Variants in SLC24A2 observed in about 807,000 individuals in gnomAD.
SLC24A2 encodes the protein solute carrier family 24 member 2.
Under a neutral mutation model 62.0 loss-of-function variants are expected in SLC24A2, and 36 were observed. That is an observed-to-expected ratio of 0.58 (90% CI 0.44 to 0.77). The LOEUF (loss-of-function observed/expected upper bound fraction) is 0.77. Ranked by LOEUF, SLC24A2 falls within the 30% of genes least tolerant of loss-of-function variation. SLC24A2 has a pLI of 0.00. For missense variants in SLC24A2, 846 were observed against 817.9 expected, an observed-to-expected ratio of 1.03 and a Z score of -0.42; for synonymous variants, 358 against 294.0, an observed-to-expected ratio of 1.22 and a Z score of -2.23.
chr9:20,300,919 G>T, the SLC24A2 span, among the ~76,000 whole-genome samples: 1 of 152,104 alleles, frequency 6.6e-6, no homozygotes, highest in Non-Finnish European at 1.5e-5. Context: ...AAACCCTTTT[G>T]TCATCATCGT....
intron 3 of SLC24A2, 25 bp downstream of exon 3, chr9:19,622,236 T>C: frequency 6.2e-7 from 1 of 1,610,248 alleles, no homozygotes; most frequent in Non-Finnish European, 8.5e-7. Flanking sequence ...CACAAACAGG[T>C]ACAGACAAAG....
the SLC24A2 span, among the ~76,000 whole-genome samples, chr9:19,983,153 T>C: frequency 6.6e-6 from 1 of 152,174 alleles, no homozygotes; most frequent in African/African-American, 2.4e-5. Context: ...CTGGAAGTTC[T>C]AGCCAGACAA....
chr9:19,752,529 C>T (rs941277846), intron 2 of SLC24A2, among the ~76,000 whole-genome samples: 1 of 152,140 alleles, frequency 6.6e-6, no homozygotes, highest in African/African-American at 2.4e-5. Flanking sequence ...TCCTGGGGAG[C>T]TGGACCCTGG....
chr9:19,895,502 G>A, the SLC24A2 span, among the ~76,000 whole-genome samples: 16 of 149,274 alleles, frequency 1.1e-4, no homozygotes, highest in African/African-American at 3.9e-4. Flanking sequence ...AGATGAAAGT[G>A]ATATCTAACA....
chr9:19,904,875 C>T, the SLC24A2 span, among the ~76,000 whole-genome samples: 2 of 152,138 alleles, frequency 1.3e-5, no homozygotes, highest in African/African-American at 2.4e-5. Context: ...CATATCTACA[C>T]AGCTGGTAGA....
intron 9 of SLC24A2, among the ~76,000 whole-genome samples, chr9:19,525,198 G>C (rs577470123): frequency 1.1e-4 from 17 of 151,286 alleles, no homozygotes; most frequent in African/African-American, 4.2e-4. Context: ...TCAAATGTCA[G>C]TAAAATAACT....
the SLC24A2 span, among the ~76,000 whole-genome samples, chr9:19,805,718 T>C: frequency 1.3e-5 from 2 of 151,940 alleles, no homozygotes; most frequent in African/African-American, 4.8e-5. Flanking sequence ...TTTGAACCTA[T>C]GATTTCAAAG....
the SLC24A2 span, among the ~76,000 whole-genome samples, chr9:19,954,163 T>A: frequency 6.6e-6 from 1 of 152,160 alleles, no homozygotes; most frequent in Admixed American, 6.5e-5. Flanking sequence ...GATACATTTG[T>A]ATTTAAACAT....
chr9:20,198,010 T>C, the SLC24A2 span, among the ~76,000 whole-genome samples: 5 of 152,180 alleles, frequency 3.3e-5, no homozygotes, highest in Non-Finnish European at 1.5e-5. Flanking sequence ...CCCTTCCCCT[T>C]GGCTGCATCA....
chr9:19,987,848 T>C, the SLC24A2 span, among the ~76,000 whole-genome samples: 2 of 152,156 alleles, frequency 1.3e-5, no homozygotes, highest in Non-Finnish European at 2.9e-5. Context: ...AGAGGAAACA[T>C]TTCCTTCGCT....
chr9:19,859,428 G>A, the SLC24A2 span, among the ~76,000 whole-genome samples: 1 of 152,070 alleles, frequency 6.6e-6, no homozygotes, highest in Non-Finnish European at 1.5e-5. Context: ...AAAATAATCT[G>A]TACATCAAAC....
chr9:20,063,293 C>G, the SLC24A2 span, among the ~76,000 whole-genome samples: 135 of 150,908 alleles, frequency 8.9e-4, 1 homozygote, highest in South Asian at 1.3e-3. Context: ...ACATATACAC[C>G]ATGGAATACT....
chr9:20,287,006 C>G, the SLC24A2 span, among the ~76,000 whole-genome samples: 2 of 152,286 alleles, frequency 1.3e-5, no homozygotes, highest in East Asian at 3.9e-4. Context: ...TTCCTTGACC[C>G]TACCCCAGGG....
the SLC24A2 span, among the ~76,000 whole-genome samples, chr9:20,040,211 T>G: frequency 6.6e-6 from 1 of 152,156 alleles, no homozygotes; most frequent in African/African-American, 2.4e-5. Context: ...CGATTTTTTG[T>G]TGTTGTTAGT....
chr9:20,306,255 T>G, the SLC24A2 span, among the ~76,000 whole-genome samples: 17 of 152,168 alleles, frequency 1.1e-4, no homozygotes, highest in Non-Finnish European at 2.4e-4. Flanking sequence ...TGCAATGAGA[T>G]TTAGAAAATA....
At chr9:19,548,844 T>G (rs977029045) in intron 8 of SLC24A2, among the ~76,000 whole-genome samples, 5 of 152,204 alleles carry the variant, frequency 3.3e-5, no homozygotes, top group African/African-American at 9.6e-5. Context: ...TATTTCCGAG[T>G]ATACTGTGTG....
At chr9:19,648,095 G>A (rs1818694544) in intron 2 of SLC24A2, among the ~76,000 whole-genome samples, 1 of 152,068 alleles carries the variant, frequency 6.6e-6, no homozygotes, top group Non-Finnish European at 1.5e-5. Flanking sequence ...TAACTAAAGT[G>A]GCATAAACTA....
chr9:20,216,559 G>C, the SLC24A2 span, among the ~76,000 whole-genome samples: 4 of 152,096 alleles, frequency 2.6e-5, no homozygotes, highest in African/African-American at 9.7e-5. Flanking sequence ...TGATCTGGGG[G>C]CTTTCAAAAG....
At chr9:19,642,095 G>C (rs1258598621) in intron 2 of SLC24A2, among the ~76,000 whole-genome samples, 4 of 152,090 alleles carry the variant, frequency 2.6e-5, no homozygotes, top group South Asian at 2.1e-4. Flanking sequence ...CCCAGGTCAG[G>C]GTATAGGGAG....
Sources: gnomAD v4.1 joint callset for allele counts (sites outside exome capture counted in the v4.1 genomes callset) on GRCh38, gnomAD v4.1.1 for gene constraint, MANE v1.5 for transcripts, NCBI Gene and HGNC (gene_info 2026-07-23, HGNC 2026-07-21) for gene names.